Variants in ADGRD2 observed in about 807,000 individuals in gnomAD.
The protein encoded by ADGRD2 is adhesion G protein-coupled receptor D2.
ADGRD2 carries 71 observed loss-of-function variants against 44.4 expected under a neutral mutation model. That is an observed-to-expected ratio of 1.60 (90% CI 1.32 to 1.95). ADGRD2 has a LOEUF of 1.95. Among genes scored for constraint, ADGRD2 ranks in the 30% most tolerant of loss-of-function variants. The pLI, the probability that ADGRD2 is intolerant of heterozygous loss-of-function variation, is 0.00. For missense variants in ADGRD2, 1,039 were observed against 512.4 expected, an observed-to-expected ratio of 2.03 and a Z score of -9.92; for synonymous variants, 481 against 224.8, an observed-to-expected ratio of 2.14 and a Z score of -10.19.
exon 3 of ADGRD2, chr9:124,453,508 A>C: frequency 1.4e-6 from 1 of 702,122 alleles, no homozygotes; most frequent in Non-Finnish European, 2.6e-6. Context: ...CCTCAGCGGC[A>C]ACCTCACCGA....
intron 10 of ADGRD2, chr9:124,466,057 T>G (rs1831817008): frequency 9.9e-6 from 4 of 402,822 alleles, no homozygotes; most frequent in Non-Finnish European, 1.8e-5. Context: ...TGACAGTCAC[T>G]GGGATCAGCC....
In ADGRD2 at chr9:124,469,240, TG is replaced by T; in HGVS notation, c.2408del (p.Ala804ArgfsTer37). On this transcript the variant is annotated frameshift_variant, in exon 15 of 22. Coordinates refer to ENST00000334810, the Ensembl canonical transcript of ADGRD2. LOFTEE classifies it high-confidence loss of function. Reference sequence around the variant, plus strand: ...CTCCCAGGCGTGCCTGTGGGCATCGTGGCGGTCACCCTGGCCATGCTCCCCC... The same window carrying T: ...CTCCCAGGCGTGCCTGTGGGCATCGTGCGGTCACCCTGGCCATGCTCCCCC... 1 of 715,834 alleles carries T rather than the reference TG, an allele frequency of 1.4e-6. No homozygotes were observed. 44.3% of individuals were successfully genotyped at this position (715,834 alleles called of 1,614,324 possible).
chr9:124,459,879 G>A (rs113437747), intron 10 of ADGRD2, among the ~76,000 whole-genome samples: 55 of 152,172 alleles, frequency 3.6e-4, no homozygotes, highest in South Asian at 2.1e-3. Flanking sequence ...CCAATCTCCC[G>A]CAGGTAATAG....
At chr9:124,472,690 G>A (rs974243964) in intron 17 of ADGRD2, among the ~76,000 whole-genome samples, 16 of 151,642 alleles carry the variant, frequency 1.1e-4, no homozygotes, top group African/African-American at 3.4e-4. Flanking sequence ...TATTTTTAGT[G>A]GAGACGGGGG....
In ADGRD2 at chr9:124,453,405, G is replaced by A. The variant is rs759819122; in HGVS notation, c.654G>A (p.Gly218=). The change falls in exon 3 of 22, where the codon GGG becomes GGA. Residue 218 remains glycine (G), a synonymous_variant. Coordinates refer to ENST00000334810, the Ensembl canonical transcript of ADGRD2. The stretch of plus-strand genomic sequence containing the variant: ...GGAGGCGGCGCGCTGGGGCGCGGGG[G>A]CTGGGCGCCGGCCACCCGGTGCCGT... 164 of 604,836 alleles carry A rather than the reference G, an allele frequency of 2.7e-4. 5 individuals carry two copies. In the South Asian group the frequency reaches 2.9e-3, roughly 11 times the overall value. 37.5% of individuals were successfully genotyped at this position (604,836 alleles called of 1,614,324 possible).
At chr9:124,463,572 G>A (rs747558564) in intron 10 of ADGRD2, among the ~76,000 whole-genome samples, 5 of 152,182 alleles carry the variant, frequency 3.3e-5, no homozygotes, top group South Asian at 2.1e-4. Flanking sequence ...TCTGGACCTC[G>A]TGTGTTCTTT....
At chr9:124,453,865 C>T (rs548249028) in intron 3 of ADGRD2, 134 bp from the exon 7 acceptor site, 2 of 595,422 alleles carry the variant, frequency 3.4e-6, no homozygotes, top group South Asian at 2.0e-5. Flanking sequence ...CGTCCCCCGG[C>T]CCCCTTACCC....
At position 124,475,561 on chromosome 9, in the gene ADGRD2, A is replaced by G. The variant is rs961970866; in HGVS notation, c.2801-10A>G. Reference sequence around the variant, plus strand: ...AGGGTCCCCAGCCTGACCTCCAAGTATTCCCCCAGGTGCGGAGCGCCCTGC... The same window carrying G: ...AGGGTCCCCAGCCTGACCTCCAAGTGTTCCCCCAGGTGCGGAGCGCCCTGC... On this transcript the variant is annotated splice_polypyrimidine_tract_variant and intron_variant, in intron 18 of 21. Coordinates refer to ENST00000334810, the Ensembl canonical transcript of ADGRD2. The G allele has an allele frequency of 2.9e-6, 2 of 682,574 alleles. No homozygotes were observed. The highest frequency in any genetic ancestry group is 5.5e-6 in the Non-Finnish European group (2 of 363,454). 42.3% of individuals were successfully genotyped at this position (682,574 alleles called of 1,614,324 possible).
chr9:124,453,689 C>G lies in ADGRD2; in HGVS notation c.923+13C>G. ...CTTCTCTGTCCCGGTACGACCCGCC[C>G]CGCCCCGGCCCCACCCCATGGCCCC... On this transcript the variant is annotated intron_variant, in intron 3 of 21. Coordinates refer to ENST00000334810, the Ensembl canonical transcript of ADGRD2. 1.4e-6 allele frequency: 1 copy of G among 691,162 alleles called. No homozygotes were observed. The highest frequency in any genetic ancestry group is 2.1e-5 in the Admixed American group (1 of 48,712). The allele number at this position is 691,162 out of a possible 1,614,324, so 42.8% of individuals were successfully genotyped here. A position where few individuals can be genotyped will look rare whatever the true frequency, so the allele number is the denominator to read the frequency against.
At chr9:124,476,174 G>C (rs1832046186) in intron 19 of ADGRD2, among the ~76,000 whole-genome samples, 183 bp from the exon 23 acceptor site, 1 of 152,174 alleles carries the variant, frequency 6.6e-6, no homozygotes. Context: ...CTAGCTCCCA[G>C]CCACCTCCTG....
chr9:124,460,592 T>TC (rs1831710270), intron 10 of ADGRD2, among the ~76,000 whole-genome samples: 1 of 151,294 alleles, frequency 6.6e-6, no homozygotes, highest in South Asian at 2.1e-4. Flanking sequence ...TTTGCTCAGG[T>TC]CTCATTGGTG....
intron 17 of ADGRD2, among the ~76,000 whole-genome samples, chr9:124,471,815 T>C (rs1249151128): frequency 6.6e-6 from 1 of 152,188 alleles, no homozygotes; most frequent in Non-Finnish European, 1.5e-5. Flanking sequence ...AAAAAGCCCC[T>C]GTATTTGTGG....
At chr9:124,465,875 A>C in intron 10 of ADGRD2, 1 of 158,836 alleles carries the variant, frequency 6.3e-6, no homozygotes, top group Non-Finnish European at 1.4e-5. Context: ...GTGCCTAGGA[A>C]GAGAATCATC....
intron 10 of ADGRD2, among the ~76,000 whole-genome samples, chr9:124,462,390 T>A (rs554985316): frequency 1.3e-5 from 2 of 152,182 alleles, no homozygotes; most frequent in Non-Finnish European, 2.9e-5. Context: ...CAAAATTACT[T>A]TGGCTATTCT....
At position 124,477,708 on chromosome 9, in the gene ADGRD2, G is replaced by C. The variant is rs1331998844; in HGVS notation, c.*19-573G>C. Among the ~76,000 whole-genome samples the C allele has an allele frequency of 2.6e-5, 4 of 152,300 alleles. No homozygotes were observed. The East Asian group carries it at 7.7e-4, about 29-fold the overall frequency. ...GCCCCCATCCCCGGCTGGCATCTCGGTCCCGGGGAGTCTCAGCTTCCCTTT... is the reference window on the plus strand; with the variant it reads ...GCCCCCATCCCCGGCTGGCATCTCGCTCCCGGGGAGTCTCAGCTTCCCTTT... On this transcript the variant is annotated intron_variant, in intron 21 of 21. Coordinates refer to ENST00000334810, the Ensembl canonical transcript of ADGRD2.
intron 9 of ADGRD2, 72 bp from the exon 13 acceptor site, chr9:124,458,544 T>TG: frequency 2.9e-6 from 2 of 695,314 alleles, no homozygotes; most frequent in East Asian, 5.4e-5. Context: ...CGTAGGGGCC[T>TG]GGGTGACATG....
intron 10 of ADGRD2, among the ~76,000 whole-genome samples, chr9:124,463,909 C>T (rs568006549): frequency 1.3e-5 from 2 of 152,304 alleles, no homozygotes; most frequent in South Asian, 4.1e-4. Context: ...ACCATCACAG[C>T]TCACTGCGGC....
At chr9:124,450,477 T>G (rs1831444806), upstream of ADGRD2, among the ~76,000 whole-genome samples, 1 of 152,142 alleles carries the variant, frequency 6.6e-6, no homozygotes, top group African/African-American at 2.4e-5. Context: ...TCGCAGACGG[T>G]GAACGGCCAC....
rs983278718 is a variant in ADGRD2 at position 124,468,801 on chromosome 9, C to T, written c.2387+129C>T. ...CCACTCAGCATCCGGCATTTAGCGT[C>T]ACCCAGAACCCAGCACCACCCAGCC... On this transcript the variant is annotated intron_variant, in intron 14 of 21. Coordinates refer to ENST00000334810, the Ensembl canonical transcript of ADGRD2. 2.4e-5 allele frequency: 15 copies of T among 613,678 alleles called. No individual in the cohort carries two copies. The African/African-American group carries it at 2.8e-4, about 11-fold the overall frequency. The allele number at this position is 613,678 out of a possible 1,614,324, so 38.0% of individuals were successfully genotyped here.
Sources: gnomAD v4.1 joint callset for allele counts (sites outside exome capture counted in the v4.1 genomes callset) on GRCh38, gnomAD v4.1.1 for gene constraint, MANE v1.5 for transcripts, NCBI Gene and HGNC (gene_info 2026-07-23, HGNC 2026-07-21) for gene names.